Variants in NDRG3 observed in about 807,000 individuals in gnomAD.
NDRG3 encodes the protein NDRG family member 3.
In NDRG3, 23 loss-of-function variants were observed where a neutral mutation model predicts 57.2. The observed-to-expected ratio is 0.40, with a 90% CI of 0.29 to 0.57. NDRG3 has a LOEUF of 0.57. Among genes scored for constraint, NDRG3 ranks in the 20% least tolerant of loss-of-function variants. NDRG3 has a pLI of 0.42. For missense variants in NDRG3, 384 were observed against 457.3 expected (o/e 0.84, Z 1.46); for synonymous variants, 132 against 162.6 (o/e 0.81, Z 1.43).
chr20:36,680,731 C>G (rs1981207129), intron 8 of NDRG3, 85 bp downstream of exon 8: 2 of 972,728 alleles, frequency 2.1e-6, no homozygotes, highest in Non-Finnish European at 3.3e-6. Context: ...TTACCCTTAA[C>G]TGTATATATA....
intron 8 of NDRG3, among the ~76,000 whole-genome samples, chr20:36,680,059 G>A (rs1981121710): frequency 6.6e-6 from 1 of 151,198 alleles, no homozygotes; most frequent in East Asian, 2.0e-4. Context: ...CCCGACCTCA[G>A]GTGATCTTCC....
At chr20:36,714,682 C>T (rs955678341) in intron 2 of NDRG3, among the ~76,000 whole-genome samples, 3 of 151,136 alleles carry the variant, frequency 2.0e-5, no homozygotes, top group Non-Finnish European at 4.4e-5. Flanking sequence ...GGTGCAATCT[C>T]GGCTTATTGT....
At chr20:36,692,696 G>C (rs1249533732) in intron 3 of NDRG3, among the ~76,000 whole-genome samples, 1 of 152,004 alleles carries the variant, frequency 6.6e-6, no homozygotes, top group African/African-American at 2.4e-5. Context: ...GGTGCTAGCT[G>C]TATGTATTTG....
At chr20:36,676,443 GTTTT>G (rs750067036) in intron 8 of NDRG3, among the ~76,000 whole-genome samples, 1 of 151,902 alleles carries the variant, frequency 6.6e-6, no homozygotes, top group Non-Finnish European at 1.5e-5. Flanking sequence ...CCTAAAAAGT[GTTTT>G]TGTTTGTTTG....
intron 6 of NDRG3, among the ~76,000 whole-genome samples, chr20:36,684,173 A>G (rs968130264): frequency 5.3e-5 from 8 of 152,096 alleles, no homozygotes; most frequent in African/African-American, 1.9e-4. Flanking sequence ...CCACCTTCCT[A>G]GAGAGGAATT....
chr20:36,660,159 G>A (rs1231829128), intron 13 of NDRG3, among the ~76,000 whole-genome samples, 178 bp downstream of exon 13: 1 of 152,090 alleles, frequency 6.6e-6, no homozygotes, highest in Admixed American at 6.5e-5. Flanking sequence ...AGTGAGCTGA[G>A]ATGGCGCCAC....
chr20:36,663,633 G>T (rs1979385321), intron 12 of NDRG3, among the ~76,000 whole-genome samples: 1 of 152,120 alleles, frequency 6.6e-6, no homozygotes, highest in Non-Finnish European at 1.5e-5. Context: ...CTTATACAGT[G>T]CTGGTGGCAA....
intron 1 of NDRG3, among the ~76,000 whole-genome samples, chr20:36,745,779 C>T (rs1986159083): frequency 6.6e-6 from 1 of 151,940 alleles, no homozygotes; most frequent in African/African-American, 2.4e-5. Flanking sequence ...GGTGTTGAGC[C>T]CGGAGGGAGG....
intron 12 of NDRG3, among the ~76,000 whole-genome samples, chr20:36,662,962 A>G (rs949556657): frequency 6.6e-6 from 1 of 152,244 alleles, no homozygotes; most frequent in Non-Finnish European, 1.5e-5. Context: ...AGAAATACTA[A>G]GCATTGTAAG....
chr20:36,736,839 C>T lies in NDRG3; in HGVS notation c.-49+9206G>A, dbSNP rs1467625098. 2.0e-5 allele frequency among the ~76,000 whole-genome samples: 3 copies of T among 152,262 alleles called. No individual in the cohort carries two copies. The East Asian group carries it at 5.8e-4, about 29-fold the overall frequency. On this transcript the variant is annotated intron_variant, in intron 1 of 15. Transcript: ENST00000349004. Reference sequence around the variant, plus strand: ...CTCTCAGAGATGCTATCCCCCCTATCTCCATAAGCTAAGGGGTGGGGAAGG... The same window carrying T: ...CTCTCAGAGATGCTATCCCCCCTATTTCCATAAGCTAAGGGGTGGGGAAGG...
chr20:36,693,206 G>A lies in NDRG3; in HGVS notation c.94-4422C>T, dbSNP rs182952825. Reference sequence around the variant, plus strand: ...TATATATACACACACACATATATATGTGTATATATATGTATATACGTATAT... The same window carrying A: ...TATATATACACACACACATATATATATGTATATATATGTATATACGTATAT... On this transcript the variant is annotated intron_variant, in intron 3 of 15. Coordinates refer to ENST00000349004, the MANE Select transcript of NDRG3 (RefSeq NM_032013.4). Among the ~76,000 whole-genome samples, 822 of 112,302 alleles carry A rather than the reference G, an allele frequency of 7.3e-3. 5 individuals carry two copies. Among genetic ancestry groups the A allele is most frequent in the African/African-American group, 0.025 (746 of 29,778 alleles). The allele number at this position is 112,302 out of a possible 152,430, so 73.7% of individuals were successfully genotyped here.
intron 2 of NDRG3, among the ~76,000 whole-genome samples, chr20:36,707,297 C>T (rs921350591): frequency 2.0e-5 from 3 of 152,070 alleles, no homozygotes; most frequent in Non-Finnish European, 4.4e-5. Context: ...CTAAGGAGAG[C>T]GGTGAGAATT....
intron 8 of NDRG3, among the ~76,000 whole-genome samples, chr20:36,673,788 C>A (rs1026468145): frequency 1.3e-5 from 2 of 152,084 alleles, no homozygotes; most frequent in African/African-American, 2.4e-5. Flanking sequence ...ATGGATTGTC[C>A]TGAGGCTGAA....
chr20:36,725,494 C>G (rs1399861676), intron 1 of NDRG3, among the ~76,000 whole-genome samples: 1 of 150,068 alleles, frequency 6.7e-6, no homozygotes, highest in Non-Finnish European at 1.5e-5. Context: ...CTCAGCTACT[C>G]GGGAGGCTGA....
intron 3 of NDRG3, among the ~76,000 whole-genome samples, chr20:36,695,498 G>T (rs1221115401): frequency 1.3e-5 from 2 of 152,290 alleles, no homozygotes; most frequent in Middle Eastern, 3.4e-3. Context: ...TAACAGCCCT[G>T]GGAAAAGAAC....
chr20:36,678,574 G>A lies in NDRG3; in HGVS notation c.531+2242C>T, dbSNP rs188349303. ...CAGGCACCTGTGATCCCAGCTACTC[G>A]GGAGGCTGAGGCTGAGAGTTGCTTA... On this transcript the variant is annotated intron_variant, in intron 8 of 15. Coordinates refer to ENST00000349004, the MANE Select transcript of NDRG3 (RefSeq NM_032013.4). Among the ~76,000 whole-genome samples the A allele has an allele frequency of 4.3e-4, 66 of 152,284 alleles. No homozygotes were observed. In the East Asian group the frequency reaches 5.2e-3, roughly 12 times the overall value.
chr20:36,709,431 T>C (rs1983743007), intron 2 of NDRG3, among the ~76,000 whole-genome samples: 3 of 152,164 alleles, frequency 2.0e-5, no homozygotes, highest in Non-Finnish European at 4.4e-5. Context: ...CAGATGCCAC[T>C]GAGAATGGGC....
At chr20:36,680,769 T>G in intron 8 of NDRG3, 47 bp downstream of exon 8, 41 of 1,505,510 alleles carry the variant, frequency 2.7e-5, no homozygotes, top group Non-Finnish European at 3.3e-5. Context: ...TAAGCTGTTT[T>G]GAGATGGGCC....
intron 8 of NDRG3, among the ~76,000 whole-genome samples, chr20:36,678,443 G>C (rs1980948338): frequency 6.6e-6 from 1 of 152,196 alleles, no homozygotes; most frequent in Admixed American, 6.5e-5. Context: ...AGCACTTCGG[G>C]AGGCTGAGGT....
Sources: gnomAD v4.1 joint callset for allele counts (sites outside exome capture counted in the v4.1 genomes callset) on GRCh38, gnomAD v4.1.1 for gene constraint, MANE v1.5 for transcripts, NCBI Gene and HGNC (gene_info 2026-07-23, HGNC 2026-07-21) for gene names.